SLC25A12: variants seen among roughly 807,000 people sequenced by gnomAD.
SLC25A12 encodes the protein electrogenic aspartate/glutamate antiporter SLC25A12, mitochondrial.
A neutral mutation model predicts 83.3 loss-of-function variants in SLC25A12; 32 were observed. The observed-to-expected ratio is 0.38, with a 90% CI of 0.29 to 0.52. The LOEUF (loss-of-function observed/expected upper bound fraction) is 0.52. Ranked by LOEUF, SLC25A12 falls within the 20% of genes least tolerant of loss-of-function variation. SLC25A12 has a pLI of 0.84. For synonymous variants in SLC25A12, 267 were observed against 291.1 expected, an observed-to-expected ratio of 0.92 and a Z score of 0.84; for missense variants, 611 against 835.6, an observed-to-expected ratio of 0.73 and a Z score of 3.31.
intron 8 of SLC25A12, among the ~76,000 whole-genome samples, chr2:171,832,688 C>A (rs1573968560): frequency 6.6e-6 from 1 of 152,194 alleles, no homozygotes; most frequent in Admixed American, 6.5e-5. Flanking sequence ...AGGCTTCCAA[C>A]TTCCCTATCC....
chr2:171,785,010 G>T lies in SLC25A12; in HGVS notation c.*264C>A. The T allele has an allele frequency of 4.7e-6, 2 of 426,648 alleles. No individual in the cohort carries two copies. Among genetic ancestry groups the T allele is most frequent in the Non-Finnish European group, 8.8e-6 (2 of 226,680 alleles). 26.4% of individuals were successfully genotyped at this position (426,648 alleles called of 1,614,324 possible). A position where few individuals can be genotyped will look rare whatever the true frequency, so the allele number is the denominator to read the frequency against. On this transcript the variant is annotated 3_prime_UTR_variant, in exon 18 of 18. Coordinates refer to ENST00000422440, the MANE Select transcript of SLC25A12 (RefSeq NM_003705.5). The stretch of plus-strand genomic sequence containing the variant: ...TACAATCACTGTAAGTGCAAGCTGT[G>T]CAAAGCAGAGTCTAGAACACTAATT...
At chr2:171,851,351 C>T (rs763154214) in intron 4 of SLC25A12, among the ~76,000 whole-genome samples, 5 of 151,732 alleles carry the variant, frequency 3.3e-5, no homozygotes, top group East Asian at 1.9e-4. Flanking sequence ...CCACCACGCC[C>T]GGCTAATTTT....
intron 9 of SLC25A12, among the ~76,000 whole-genome samples, chr2:171,823,515 T>C (rs1476451090): frequency 3.9e-5 from 6 of 152,230 alleles, no homozygotes; most frequent in African/African-American, 1.2e-4. Context: ...AAAATTCTAA[T>C]AATTATTTAT....
intron 17 of SLC25A12, among the ~76,000 whole-genome samples, chr2:171,787,117 A>T (rs1465140227): frequency 6.6e-6 from 1 of 152,210 alleles, no homozygotes; most frequent in African/African-American, 2.4e-5. Flanking sequence ...AGGCTGGTGG[A>T]GTTCGAGACC....
At chr2:171,875,851 T>C (rs994351578) in intron 2 of SLC25A12, among the ~76,000 whole-genome samples, 2 of 137,770 alleles carry the variant, frequency 1.5e-5, no homozygotes, top group African/African-American at 5.5e-5. Context: ...CGGCGGAGCT[T>C]GCAGTGAGCC....
chr2:171,834,635 C>T (rs1303204412), intron 7 of SLC25A12, 92 bp downstream of exon 7: 3 of 1,410,568 alleles, frequency 2.1e-6, no homozygotes, highest in African/African-American at 1.4e-5. Context: ...CTAGATCTGG[C>T]TTTAGAGTGG....
chr2:171,798,630 C>T (rs181367155), intron 13 of SLC25A12, among the ~76,000 whole-genome samples: 1 of 152,280 alleles, frequency 6.6e-6, no homozygotes, highest in Admixed American at 6.5e-5. Flanking sequence ...AGGACTGACT[C>T]AAGAGGAACA....
chr2:171,877,501 C>T (rs1254970881), intron 2 of SLC25A12, among the ~76,000 whole-genome samples: 1 of 151,876 alleles, frequency 6.6e-6, no homozygotes, highest in East Asian at 1.9e-4. Flanking sequence ...CCCATCTCTA[C>T]TAAAAATACA....
intron 13 of SLC25A12, among the ~76,000 whole-genome samples, chr2:171,796,975 GA>G (rs1156410204): frequency 6.6e-6 from 1 of 152,166 alleles, no homozygotes; most frequent in African/African-American, 2.4e-5. Context: ...AAGCAACTCA[GA>G]ATGAGGGACT....
At chr2:171,822,273 A>G (rs1453158974) in intron 9 of SLC25A12, among the ~76,000 whole-genome samples, 2 of 152,232 alleles carry the variant, frequency 1.3e-5, no homozygotes, top group Non-Finnish European at 1.5e-5. Flanking sequence ...AATAAGCACA[A>G]TAATAGCAGT....
intron 4 of SLC25A12, chr2:171,845,736 G>A: frequency 2.3e-6 from 1 of 443,518 alleles, no homozygotes; most frequent in Non-Finnish European, 4.5e-6. Flanking sequence ...CCAGTCTAGA[G>A]TCAATATAAT....
intron 2 of SLC25A12, among the ~76,000 whole-genome samples, chr2:171,870,216 T>C (rs769171019): frequency 3.3e-5 from 5 of 152,220 alleles, no homozygotes; most frequent in Non-Finnish European, 5.9e-5. Flanking sequence ...TTTTTAACTA[T>C]GAGAAATTAC....
intron 2 of SLC25A12, among the ~76,000 whole-genome samples, chr2:171,888,865 C>T (rs1236412296): frequency 2.0e-5 from 3 of 152,162 alleles, no homozygotes; most frequent in Admixed American, 1.3e-4. Context: ...CACAGATCTA[C>T]ATTTTACAAA....
chr2:171,824,573 A>AT (rs908159400), intron 9 of SLC25A12, among the ~76,000 whole-genome samples: 3 of 152,198 alleles, frequency 2.0e-5, no homozygotes, highest in Non-Finnish European at 4.4e-5. Context: ...TTGAAATGCA[A>AT]TTTTTCAAAA....
intron 4 of SLC25A12, among the ~76,000 whole-genome samples, chr2:171,855,109 C>A (rs1351229880): frequency 6.6e-6 from 1 of 152,168 alleles, no homozygotes; most frequent in African/African-American, 2.4e-5. Context: ...GGTCCTTGAA[C>A]TACTACATGG....
intron 5 of SLC25A12, among the ~76,000 whole-genome samples, chr2:171,840,398 GAA>G (rs1169657406): frequency 6.6e-6 from 1 of 150,776 alleles, no homozygotes; most frequent in Admixed American, 6.6e-5. Context: ...AAAAAAAAGA[GAA>G]AAAGAAAAAC....
chr2:171,840,326 C>G (rs1684646231), intron 5 of SLC25A12, among the ~76,000 whole-genome samples: 1 of 151,692 alleles, frequency 6.6e-6, no homozygotes, highest in South Asian at 2.1e-4. Flanking sequence ...GTCAAGGCTA[C>G]AGTGAGCCAT....
rs747371825 is a variant in SLC25A12, at chr2:171,813,415, C to T, written c.1095G>A (p.Gly365=). The part of the protein sequence containing the change: ...QNQRGSGSVV[G]ELMYKNSFDC... ...CAAAGCTGTTTTTGTACATTAGCTC[C>T]CCAACAACAGAGCCAGAGCCACGCT... Residue 365 remains glycine, a synonymous_variant, in exon 11 of 18, where the codon GGG becomes GGA. Coordinates refer to ENST00000422440, the MANE Select transcript of SLC25A12 (RefSeq NM_003705.5). The T allele has an allele frequency of 6.2e-7, 1 of 1,614,044 alleles. No individual in the cohort carries two copies. Among genetic ancestry groups the T allele is most frequent in the Non-Finnish European group, 8.5e-7 (1 of 1,179,962 alleles).
chr2:171,834,664 A>G (rs1684519117), intron 7 of SLC25A12, 63 bp downstream of exon 7: 18 of 1,550,934 alleles, frequency 1.2e-5, no homozygotes, highest in Non-Finnish European at 1.6e-5. Context: ...GATCAACATC[A>G]TGCCTCAGTG....
Sources: allele counts gnomAD v4.1 joint callset (sites outside exome capture counted in the v4.1 genomes callset), GRCh38; gene constraint gnomAD v4.1.1; transcripts MANE v1.5; gene names NCBI Gene and HGNC (gene_info 2026-07-23, HGNC 2026-07-21).